The following ANPEP variants were observed in gnomAD, a reference collection of about 807,000 sequenced individuals.
ANPEP encodes the protein aminopeptidase N.
Under a neutral mutation model 114.6 loss-of-function variants are expected in ANPEP, and 70 were observed. The observed-to-expected ratio is 0.61, with a 90% CI of 0.50 to 0.75. ANPEP has a LOEUF of 0.75. Ranked by LOEUF, ANPEP falls within the 30% of genes least tolerant of loss-of-function variation. ANPEP has a pLI of 0.00. For missense variants in ANPEP, 1,184 were observed against 1,259.5 expected, an observed-to-expected ratio of 0.94 and a Z score of 0.91; for synonymous variants, 548 against 522.3, an observed-to-expected ratio of 1.05 and a Z score of -0.67.
intron 10 of ANPEP, 133 bp from the exon 11 acceptor site, chr15:89,801,740 G>T: frequency 2.0e-6 from 2 of 1,013,626 alleles, no homozygotes; most frequent in Non-Finnish European, 2.9e-6. Flanking sequence ...GCACTGGGCT[G>T]GGAGCCGGGA....
Position 89,806,171 on chromosome 15 carries a change from A to G in ANPEP, c.413T>C (p.Val138Ala). ...CTGGGAGCCTCCCACACCACGCAGG[A>G]CCACCCTGTGCCCCTGGCTGAGGGT... is the stretch of plus-strand genomic sequence containing the variant. ...NYTLSQGHRV[V>A]LRGVGGSQPP... The change falls in exon 2 of 21, where the codon GTC becomes GCC. Residue 138 changes from valine (V) to alanine (A), a missense_variant. Physicochemically the swap from Val to Ala is moderately conservative, Grantham distance 64. Coordinates refer to ENST00000300060, the MANE Select transcript of ANPEP (RefSeq NM_001150.3). The surrounding 1 kb of genome is among the most constrained non-coding windows in gnomAD (Gnocchi z 5.7). 6.2e-7 allele frequency: 1 copy of G among 1,614,060 alleles called. No individual in the cohort carries two copies. Among genetic ancestry groups the G allele is most frequent in the South Asian group, 1.1e-5 (1 of 91,080 alleles).
rs750050556 is a variant in ANPEP, at chr15:89,785,421, C to T, written c.2832G>A (p.Thr944=). The change falls in exon 21 of 21, where the codon ACG becomes ACA. Residue 944 remains threonine (T), a synonymous_variant. Coordinates refer to ENST00000300060, the MANE Select transcript of ANPEP (RefSeq NM_001150.3). ...CCTTCACCCACTTGATGTTGGCTTT[C>T]GTCTTCTCCAGGGCTTGCTCCAGGG... The part of the protein sequence containing the change: ...TRALEQALEK[T]KANIKWVKEN... 1.8e-5 allele frequency: 29 copies of T among 1,614,194 alleles called. No individual in the cohort carries two copies. The highest frequency in any genetic ancestry group is 8.8e-5 in the South Asian group (8 of 91,084).
chr15:89,797,592 C>T lies in ANPEP; in HGVS notation c.2140G>A (p.Val714Ile). 7 of 1,614,088 alleles carry T rather than the reference C, an allele frequency of 4.3e-6. No homozygotes were observed. The highest frequency in any genetic ancestry group is 1.6e-4 in the Middle Eastern group (1 of 6,062). The change falls in exon 15 of 21, where the codon GTC (valine) becomes ATC (isoleucine). Residue 714 changes from valine (V) to isoleucine (I), a missense_variant. Transcript: ENST00000300060. ...YFKLMFDRSEVYGPMKNYLKK... is the reference protein window; with the variant it reads ...YFKLMFDRSEIYGPMKNYLKK... ...CTCCGTACCTTCATGGGGCCATAGA[C>T]CTCGGAGCGGTCAAACATGAGCTTG...
Position 89,792,859 on chromosome 15 carries a change from C to T in ANPEP, c.2249+176G>A, listed in dbSNP as rs73475999. Among the ~76,000 whole-genome samples the T allele has an allele frequency of 7.4e-3, 1,134 of 152,264 alleles. 14 individuals carry two copies. The highest frequency in any genetic ancestry group is 0.025 in the African/African-American group (1,046 of 41,568). On this transcript the variant is annotated intron_variant, in intron 16 of 20. Transcript: ENST00000300060. ...GTTTGGGTCTTTGTATAAAGAGGTC[C>T]GATGGGCCCTCAGGCCACATGGAGC...
At position 89,806,016 on chromosome 15, in the gene ANPEP, G is replaced by A. The variant is rs144968132; in HGVS notation, c.568C>T (p.Leu190=). 6.6e-5 allele frequency: 106 copies of A among 1,609,186 alleles called. No individual in the cohort carries two copies. The African/African-American group carries it at 1.1e-3, about 16-fold the overall frequency. Residue 190 remains leucine (L), a synonymous_variant, in exon 2 of 21, where the codon CTG becomes TTG. Transcript: ENST00000300060. The surrounding 1 kb of genome is among the most constrained non-coding windows in gnomAD (Gnocchi z 5.7). ...TACTCGCTGCGGTAGAAGCCCGCCA[G>A]GTCATCTGCCAACTCCCCCTCGAAC... is the stretch of plus-strand genomic sequence containing the variant. ...SEFEGELADD[L]AGFYRSEYME... is the part of the protein sequence containing the mutation.
At chr15:89,813,123 G>A (rs1894844821) in intron 1 of ANPEP, among the ~76,000 whole-genome samples, 1 of 152,062 alleles carries the variant, frequency 6.6e-6, no homozygotes, top group East Asian at 1.9e-4. Flanking sequence ...ATGTGAATAA[G>A]GACACCCCAG....
chr15:89,812,130 C>T (rs1330234800), intron 1 of ANPEP, among the ~76,000 whole-genome samples: 1 of 152,178 alleles, frequency 6.6e-6, no homozygotes, highest in African/African-American at 2.4e-5. Flanking sequence ...ATGAAGACTC[C>T]AGGAGCCTGG....
At chr15:89,810,819 G>A (rs1484450111) in intron 1 of ANPEP, among the ~76,000 whole-genome samples, 1 of 152,226 alleles carries the variant, frequency 6.6e-6, no homozygotes, top group African/African-American at 2.4e-5. Context: ...GCTCTCCCCT[G>A]TCACTTCTGT....
At position 89,790,384 on chromosome 15, in the gene ANPEP, G is replaced by A. The variant is rs182752150; in HGVS notation, c.2751+76C>T. The A allele has an allele frequency of 3.6e-4, 506 of 1,399,932 alleles. No individual in the cohort carries two copies. In the African/African-American group the frequency reaches 6.1e-3, roughly 17 times the overall value. 86.7% of individuals were successfully genotyped at this position (1,399,932 alleles called of 1,614,324 possible). A position where few individuals can be genotyped will look rare whatever the true frequency, so the allele number is the denominator to read the frequency against. ...GGAGCCTGTGCTCCCTCAGGGCCAC[G>A]TGGGAGAAGAATGGAGTGCCCCTTT... On this transcript the variant is annotated intron_variant, in intron 20 of 20. Transcript: ENST00000300060.
At position 89,804,552 on chromosome 15, in the gene ANPEP, C is replaced by T. The variant is rs17240240; in HGVS notation, c.963G>A (p.Thr321=). 0.074 allele frequency: 120,035 copies of T among 1,613,628 alleles called. 4,982 individuals are homozygous for T. Among genetic ancestry groups the T allele is most frequent in the Non-Finnish European group, 0.084 (99,393 of 1,179,750 alleles). Residue 321 remains threonine, a synonymous_variant, in exon 5 of 21, where the codon ACG becomes ACA. Transcript: ENST00000300060. ...AGHGDYALNV[T]GPILNFFAGH... Reference sequence around the variant, plus strand: ...CAGCAAAGAAGTTAAGGATGGGGCCCGTCACGTTCAGGGCATAATCGCCGT... The same window carrying T: ...CAGCAAAGAAGTTAAGGATGGGGCCTGTCACGTTCAGGGCATAATCGCCGT...
intron 15 of ANPEP, among the ~76,000 whole-genome samples, chr15:89,796,972 T>C (rs1201819130): frequency 6.6e-6 from 1 of 152,244 alleles, no homozygotes; most frequent in Non-Finnish European, 1.5e-5. Context: ...GAGCATCCTA[T>C]GGATGTAGCT....
At chr15:89,813,139 C>T (rs1366922216) in intron 1 of ANPEP, among the ~76,000 whole-genome samples, 2 of 152,096 alleles carry the variant, frequency 1.3e-5, no homozygotes, top group South Asian at 2.1e-4. Context: ...CCCAGGGCCT[C>T]GGTGTGCGGC....
intron 18 of ANPEP, among the ~76,000 whole-genome samples, chr15:89,791,701 C>T (rs1454956800): frequency 6.6e-6 from 1 of 151,642 alleles, no homozygotes; most frequent in Admixed American, 6.6e-5. Flanking sequence ...GATCCATCCA[C>T]CTCAGTCTTC....
At chr15:89,810,526 G>A (rs564230751) in intron 1 of ANPEP, among the ~76,000 whole-genome samples, 1 of 152,122 alleles carries the variant, frequency 6.6e-6, no homozygotes, top group East Asian at 1.9e-4. Context: ...GGCGGAGATC[G>A]TGCCACTACA....
In ANPEP at chr15:89,791,039, A is replaced by G. The variant is rs1181770164; in HGVS notation, c.2583T>C (p.Ser861=). 6.2e-7 allele frequency: 1 copy of G among 1,614,234 alleles called. No individual in the cohort carries two copies. The change falls in exon 19 of 21, where the codon TCT becomes TCC. Residue 861 remains serine (S), a synonymous_variant. Transcript: ENST00000300060. The part of the protein sequence containing the change: ...PDLIRKQDAT[S]TIISITNNVI... ...CGTTGTTGGTAATGCTGATGATGGTAGAGGTGGCGTCCTGCTTCCGGATTA... is the reference window on the plus strand; with the variant it reads ...CGTTGTTGGTAATGCTGATGATGGTGGAGGTGGCGTCCTGCTTCCGGATTA...
intron 1 of ANPEP, among the ~76,000 whole-genome samples, chr15:89,810,043 C>T (rs185141631): frequency 1.3e-3 from 195 of 152,282 alleles, no homozygotes; most frequent in African/African-American, 4.5e-3. Context: ...CCCCTCTGCG[C>T]TTCCCCAGTC....
At position 89,803,248 on chromosome 15, in the gene ANPEP, G is replaced by A. The variant is rs1894631245; in HGVS notation, c.1560C>T (p.His520=). The A allele has an allele frequency of 1.2e-6, 2 of 1,613,992 alleles. No homozygotes were observed. Among genetic ancestry groups the A allele is most frequent in the South Asian group, 2.2e-5 (2 of 91,092 alleles). ...QNTIYLNLWD[H]LQEAVNNRSI... Reference sequence around the variant, plus strand: ...GCTGGCTGCTACTGACCTCCTGCAGGTGGTCCCACAGGTTCAGGTAGATGG... The same window carrying A: ...GCTGGCTGCTACTGACCTCCTGCAGATGGTCCCACAGGTTCAGGTAGATGG... The change falls in exon 10 of 21, where the codon CAC becomes CAT. Residue 520 remains histidine, a synonymous_variant. Coordinates refer to ENST00000300060, the MANE Select transcript of ANPEP (RefSeq NM_001150.3). The surrounding 1 kb of genome is among the most constrained non-coding windows in gnomAD (Gnocchi z 4.2).
At chr15:89,804,806 G>C (rs1375760615) in intron 4 of ANPEP, 189 bp from the exon 5 acceptor site, 2 of 890,872 alleles carry the variant, frequency 2.2e-6, no homozygotes, top group Non-Finnish European at 3.3e-6. Flanking sequence ...GGGTCCTAGA[G>C]AAGGGCCTTT....
In ANPEP at chr15:89,803,001, C is replaced by G. The variant is rs1045070509; in HGVS notation, c.1569+238G>C. Among the ~76,000 whole-genome samples the G allele has an allele frequency of 6.6e-6, 1 of 152,046 alleles. No homozygotes were observed. Among genetic ancestry groups the G allele is most frequent in the Non-Finnish European group, 1.5e-5 (1 of 68,000 alleles). On this transcript the variant is annotated intron_variant, in intron 10 of 20. Transcript: ENST00000300060. This position sits in a 1 kb window ranked among gnomAD's most constrained non-coding sequence, Gnocchi z 4.2. The stretch of plus-strand genomic sequence containing the variant: ...GCTCTACAGCTCCCATCAAGAAGCC[C>G]GCTGTAGCCTGAGGTCAGCTGCTGG...
Sources: allele counts gnomAD v4.1 joint callset (sites outside exome capture counted in the v4.1 genomes callset), GRCh38; gene constraint gnomAD v4.1.1; non-coding constraint Gnocchi (gnomAD v3.1); transcripts MANE v1.5; gene names NCBI Gene and HGNC (gene_info 2026-07-23, HGNC 2026-07-21).